NNMT: variants seen among roughly 807,000 people sequenced by gnomAD.
NNMT encodes the protein nicotinamide N-methyltransferase.
A neutral mutation model predicts 11.7 loss-of-function variants in NNMT; 10 were observed. That is an observed-to-expected ratio of 0.85 (90% confidence interval 0.53 to 1.45). NNMT has a LOEUF of 1.45. Ranked by LOEUF, NNMT falls within the 40% of genes most tolerant of loss-of-function variation. NNMT has a pLI of 0.00. For synonymous variants in NNMT, 143 were observed against 133.8 expected (o/e 1.07, Z -0.48); for missense variants, 381 against 319.4 (o/e 1.19, Z -1.47).
At chr11:114,285,450 GAAAGGGTTC>G (rs1945291292) in intron 2 of NNMT, among the ~76,000 whole-genome samples, 1 of 152,168 alleles carries the variant, frequency 6.6e-6, no homozygotes. Context: ...TGGACTCCAA[GAAAGGGTTC>G]TCTACCTCCC....
At chr11:114,258,487 CT>C (rs1945048830) in intron 1 of NNMT, among the ~76,000 whole-genome samples, 1 of 152,238 alleles carries the variant, frequency 6.6e-6, no homozygotes, top group Non-Finnish European at 1.5e-5. Context: ...ACGGCCAGGC[CT>C]TCCCATGTGG....
chr11:114,293,175 G>T (rs1236819036), upstream of NNMT, among the ~76,000 whole-genome samples: 1 of 152,202 alleles, frequency 6.6e-6, no homozygotes, highest in Admixed American at 6.5e-5. Flanking sequence ...CTGTGCTCCA[G>T]CAGCAGTGCC....
chr11:114,294,732 C>T (rs560247670), upstream of NNMT, among the ~76,000 whole-genome samples: 4 of 151,300 alleles, frequency 2.6e-5, no homozygotes, highest in Non-Finnish European at 5.9e-5. Context: ...CTACTCTGTA[C>T]CCACAAAAAG....
At position 114,267,325 on chromosome 11, in the gene NNMT, T is replaced by G. The variant is rs10082625; in HGVS notation, c.-130+4391T>G. Among the ~76,000 whole-genome samples, 938 of 152,284 alleles carry G rather than the reference T, an allele frequency of 6.2e-3. 7 individuals are homozygous for G. Among genetic ancestry groups the G allele is most frequent in the African/African-American group, 0.02 (832 of 41,548 alleles). ...TTGTTTTTCCTAGCATTTACCACTG[T>G]TTGATATGATCTTCTTTATTTGTTT... On this transcript the variant is annotated intron_variant, in intron 2 of 4. Transcript: ENST00000535401.
chr11:114,273,710 C>T lies in NNMT; in HGVS notation c.-130+10776C>T, dbSNP rs12287760. Among the ~76,000 whole-genome samples, 381 of 152,178 alleles carry T rather than the reference C, an allele frequency of 2.5e-3. 3 individuals carry two copies. The highest frequency in any genetic ancestry group is 8.3e-3 in the African/African-American group (344 of 41,514). ...CTAAAATTAGCCGGGTATGGTGGCA[C>T]GTGCCTGTAATCCCAGCTACTCGGG... On this transcript the variant is annotated intron_variant, in intron 2 of 4. Coordinates refer to the NNMT transcript ENST00000535401.
rs758740457 is a variant in NNMT at position 114,298,107 on chromosome 11, C to T, written c.311C>T (p.Ala104Val). 1.1e-5 allele frequency: 18 copies of T among 1,613,966 alleles called. No individual in the cohort carries two copies. The highest frequency in any genetic ancestry group is 3.3e-5 in the South Asian group (3 of 91,084). ...LEKWLKKEPE[A>V]FDWSPVVTYV... ...AAGTGGCTGAAGAAAGAGCCAGAGG[C>T]CTTTGACTGGTCCCCAGTGGTGACC... Residue 104 changes from alanine (A) to valine (V), a missense_variant, in exon 2 of 3, where the codon GCC becomes GTC. By Grantham distance (64) the Ala-to-Val change is moderately conservative (BLOSUM62 0). Transcript: ENST00000299964.
chr11:114,261,043 A>G (rs955046894), intron 1 of NNMT, among the ~76,000 whole-genome samples: 3 of 152,146 alleles, frequency 2.0e-5, no homozygotes, highest in African/African-American at 7.2e-5. Context: ...AAACACCACG[A>G]TGCTATAAAC....
At chr11:114,293,228 C>T (rs117825744), upstream of NNMT, among the ~76,000 whole-genome samples, 14 of 152,284 alleles carry the variant, frequency 9.2e-5, no homozygotes, top group East Asian at 2.7e-3. Context: ...TTCTACATCT[C>T]CTAGGTCTGT....
chr11:114,268,826 A>T (rs1945145948), intron 2 of NNMT, among the ~76,000 whole-genome samples: 1 of 151,360 alleles, frequency 6.6e-6, no homozygotes, highest in Non-Finnish European at 1.5e-5. Context: ...AGAGCTCCTG[A>T]ATCAGAATTT....
intron 2 of NNMT, among the ~76,000 whole-genome samples, chr11:114,266,206 T>C (rs965106401): frequency 6.6e-6 from 1 of 152,210 alleles, no homozygotes; most frequent in Non-Finnish European, 1.5e-5. Flanking sequence ...CAACACGTAC[T>C]AATATTATGT....
At chr11:114,260,853 G>A (rs1945073833) in intron 1 of NNMT, among the ~76,000 whole-genome samples, 1 of 152,220 alleles carries the variant, frequency 6.6e-6, no homozygotes, top group Non-Finnish European at 1.5e-5. Context: ...CTGGGATTCA[G>A]TCGAGGGGAC....
At chr11:114,273,340 G>T (rs1427911477) in intron 2 of NNMT, among the ~76,000 whole-genome samples, 1 of 152,132 alleles carries the variant, frequency 6.6e-6, no homozygotes, top group African/African-American at 2.4e-5. Context: ...GATTCAGCTT[G>T]TTTTCTCTCC....
At chr11:114,279,686 A>T (rs114713510) in intron 2 of NNMT, among the ~76,000 whole-genome samples, 1,554 of 152,360 alleles carry the variant, frequency 0.01, 47 homozygotes, top group Admixed American at 0.056. Flanking sequence ...AAGGTAGCTC[A>T]GGCGTGGCTC....
At chr11:114,265,393 T>C (rs1320616813) in intron 2 of NNMT, among the ~76,000 whole-genome samples, 1 of 152,214 alleles carries the variant, frequency 6.6e-6, no homozygotes, top group Non-Finnish European at 1.5e-5. Context: ...CTCAGTCTTG[T>C]TGGCTCACCC....
chr11:114,259,645 G>A (rs1945059977), intron 1 of NNMT, among the ~76,000 whole-genome samples: 1 of 152,182 alleles, frequency 6.6e-6, no homozygotes, highest in Non-Finnish European at 1.5e-5. Flanking sequence ...CTGGCAGGAG[G>A]GCAGGCTCCT....
At chr11:114,284,442 GT>G (rs1306834092) in intron 2 of NNMT, among the ~76,000 whole-genome samples, 2 of 151,992 alleles carry the variant, frequency 1.3e-5, no homozygotes, top group Admixed American at 6.6e-5. Flanking sequence ...CCCCAACATG[GT>G]TTTTTTTGTT....
chr11:114,283,445 A>G (rs917754467), intron 2 of NNMT, among the ~76,000 whole-genome samples: 2 of 152,234 alleles, frequency 1.3e-5, no homozygotes, highest in Admixed American at 6.5e-5. Flanking sequence ...ACCAAAATGC[A>G]CATAAAGAAT....
rs188395316 is a variant in NNMT, at chr11:114,261,462, T to A, written c.-216-1386T>A. Among the ~76,000 whole-genome samples the A allele has an allele frequency of 3.5e-3, 527 of 152,270 alleles. 2 individuals are homozygous for A. Among genetic ancestry groups the A allele is most frequent in the African/African-American group, 0.012 (503 of 41,538 alleles). On this transcript the variant is annotated intron_variant, in intron 1 of 4. Transcript: ENST00000535401. The stretch of plus-strand genomic sequence containing the variant: ...AGCCGGGTGTGGTGGTGCATGCCTG[T>A]AATCCCAGCTACTCGGGAGGCTGAG...
Position 114,312,240 on chromosome 11 carries a change from AC to A in NNMT, c.559del (p.Leu187Ter), listed in dbSNP as rs1451119110. On this transcript the variant is annotated frameshift_variant, in exon 3 of 3. Transcript: ENST00000299964. LOFTEE classifies it low-confidence loss of function (END_TRUNC). ...GGGCGCTCAGGAACCTCGGCAGCCT[AC>A]TGAAGCCAGGGGGCTTCCTGGTGAT... ...CRALRNLGSL[L>X]KPGGFLVIMD... The A allele has an allele frequency of 8.1e-6, 13 of 1,614,068 alleles. No homozygotes were observed. The highest frequency in any genetic ancestry group is 1.1e-5 in the Non-Finnish European group (13 of 1,180,038).
Sources: gnomAD v4.1 joint callset for allele counts (sites outside exome capture counted in the v4.1 genomes callset) on GRCh38, gnomAD v4.1.1 for gene constraint, MANE v1.5 for transcripts, NCBI Gene and HGNC (gene_info 2026-07-23, HGNC 2026-07-21) for gene names.